Variants in ANKRD11 observed in about 807,000 individuals in gnomAD.
ANKRD11 encodes ankyrin repeat domain-containing protein 11.
ANKRD11 carries 17 observed loss-of-function variants against 195.7 expected under a neutral mutation model. That is an observed-to-expected ratio of 0.09 (90% CI 0.06 to 0.13). ANKRD11 has a LOEUF of 0.13. Among genes scored for constraint, ANKRD11 ranks in the 10% least tolerant of loss-of-function variants. The pLI is 1.00. For synonymous variants in ANKRD11, 1,953 were observed against 1,528.1 expected (o/e 1.28, Z -6.49); for missense variants, 3,735 against 3,566.1 (o/e 1.05, Z -1.21).
chr16:89,305,593 G>A (rs1001031760), intron 3 of ANKRD11, among the ~76,000 whole-genome samples: 13 of 152,068 alleles, frequency 8.5e-5, no homozygotes, highest in South Asian at 2.1e-4. Context: ...GGGACGCTCA[G>A]GAAATCGCTG....
chr16:89,370,965 G>A (rs2040166968), intron 2 of ANKRD11, among the ~76,000 whole-genome samples: 2 of 152,130 alleles, frequency 1.3e-5, no homozygotes, highest in African/African-American at 4.8e-5. Flanking sequence ...GACACCACGA[G>A]ACAACCCTAG....
At chr16:89,372,528 C>A (rs2040240042) in intron 2 of ANKRD11, among the ~76,000 whole-genome samples, 1 of 152,078 alleles carries the variant, frequency 6.6e-6, no homozygotes, top group African/African-American at 2.4e-5. Context: ...AGAGACGCCA[C>A]TGAAACATGA....
chr16:89,273,130 T>C (rs1490851925), intron 11 of ANKRD11: 2 of 151,768 alleles, frequency 1.3e-5, no homozygotes, highest in Non-Finnish European at 1.5e-5. Context: ...AGTAACTGCA[T>C]TGTGTATTTT....
chr16:89,318,553 T>C (rs2037106338), intron 2 of ANKRD11, among the ~76,000 whole-genome samples: 2 of 119,420 alleles, frequency 1.7e-5, no homozygotes, highest in Admixed American at 9.4e-5. Context: ...TGAAACACGA[T>C]GTGCAGACCC....
At chr16:89,300,827 C>G in intron 4 of ANKRD11, 1 of 701,380 alleles carries the variant, frequency 1.4e-6, no homozygotes, top group Non-Finnish European at 2.6e-6. Context: ...CAGGTCAAAG[C>G]AAAATAAGAA....
intron 2 of ANKRD11, among the ~76,000 whole-genome samples, chr16:89,393,608 G>C (rs1479071741): frequency 1.3e-5 from 2 of 151,666 alleles, no homozygotes; most frequent in Admixed American, 1.3e-4. Context: ...TCCCAAAGTG[G>C]TGGGATTACA....
At chr16:89,298,813 T>A (rs927764331) in intron 4 of ANKRD11, 1 of 152,180 alleles carries the variant, frequency 6.6e-6, no homozygotes, top group African/African-American at 2.4e-5. Context: ...ACTGCTTACG[T>A]CTAGAGAGGA....
chr16:89,300,230 G>A (rs184183453), intron 4 of ANKRD11: 392 of 229,080 alleles, frequency 1.7e-3, no homozygotes, highest in African/African-American at 9.1e-3. Flanking sequence ...TGCCCTGTGT[G>A]GGGTGCCTGA....
At chr16:89,478,357 A>T (rs2057327843) in intron 1 of ANKRD11, among the ~76,000 whole-genome samples, 1 of 152,002 alleles carries the variant, frequency 6.6e-6, no homozygotes, top group African/African-American at 2.4e-5. Context: ...ACGTCCTTCA[A>T]ATCTATGGAA....
intron 2 of ANKRD11, among the ~76,000 whole-genome samples, chr16:89,372,307 G>C (rs939252676): frequency 4.6e-5 from 7 of 152,226 alleles, no homozygotes; most frequent in Non-Finnish European, 7.3e-5. Flanking sequence ...CGGAGGCGGC[G>C]GCAGCGCCCA....
At chr16:89,316,791 C>T in intron 3 of ANKRD11, 142 bp downstream of exon 3, 2 of 1,001,204 alleles carry the variant, frequency 2.0e-6, no homozygotes, top group Non-Finnish European at 3.0e-6. Flanking sequence ...TCCTCACCAC[C>T]CTCTCCACTC....
chr16:89,431,693 T>C (rs1239695120), intron 1 of ANKRD11, among the ~76,000 whole-genome samples: 1 of 152,198 alleles, frequency 6.6e-6, no homozygotes. Context: ...CACTCTCACC[T>C]GCCTCTGGCT....
At chr16:89,329,391 G>GA (rs903109067) in intron 2 of ANKRD11, among the ~76,000 whole-genome samples, 2 of 151,664 alleles carry the variant, frequency 1.3e-5, no homozygotes, top group African/African-American at 4.8e-5. Flanking sequence ...TGATTTCACA[G>GA]AAAAAAGGAA....
At chr16:89,339,419 T>C (rs2353030) in intron 2 of ANKRD11, among the ~76,000 whole-genome samples, 86,027 of 152,022 alleles carry the variant, frequency 0.57, 24,578 homozygotes, top group African/African-American at 0.64. Flanking sequence ...GTCGGTAGCA[T>C]CACACAGGTC....
In ANKRD11 at chr16:89,282,714, C is replaced by T. The variant is rs147336185; in HGVS notation, c.3828G>A (p.Ala1276=). Residue 1276 remains alanine, a synonymous_variant, in exon 9 of 13, where the codon GCG becomes GCA. Transcript: ENST00000301030. ...KERKSSRSAD[A]EKSLLEKLEE... ...CCAACTTTTCAAGCAGGCTTTTTTC[C>T]GCGTCGGCACTTCTCGAGGACTTCC... The T allele has an allele frequency of 8.7e-6, 14 of 1,613,940 alleles. No homozygotes were observed. Among genetic ancestry groups the T allele is most frequent in the Middle Eastern group, 1.6e-4 (1 of 6,080 alleles).
intron 2 of ANKRD11, among the ~76,000 whole-genome samples, chr16:89,359,809 A>G (rs2039652953): frequency 6.6e-6 from 1 of 152,236 alleles, no homozygotes; most frequent in Non-Finnish European, 1.5e-5. Flanking sequence ...AAGATAAGAT[A>G]GTTTTTATTC....
intron 2 of ANKRD11, among the ~76,000 whole-genome samples, chr16:89,344,661 C>T (rs1222606644): frequency 6.6e-6 from 1 of 152,204 alleles, no homozygotes; most frequent in Non-Finnish European, 1.5e-5. Flanking sequence ...GAAATGAGGG[C>T]ACCCTCATGC....
At chr16:89,408,989 C>T (rs1388208189) in intron 2 of ANKRD11, among the ~76,000 whole-genome samples, 2 of 152,262 alleles carry the variant, frequency 1.3e-5, no homozygotes, top group African/African-American at 4.8e-5. Flanking sequence ...GAAAAGGCGG[C>T]CCCAACCCTG....
In ANKRD11 at chr16:89,435,834, AC is replaced by A. The variant is rs200046552; in HGVS notation, c.-144-17467del. ...CACACACACACACACACACACACAC[AC>A]GCTTTCGGTCTGTTCGCTCAAGGAA... is the stretch of plus-strand genomic sequence containing the variant. On this transcript the variant is annotated intron_variant, in intron 1 of 12. Transcript: ENST00000301030. 5.6e-3 allele frequency among the ~76,000 whole-genome samples: 824 copies of A among 148,040 alleles called. 6 individuals are homozygous for A. The highest frequency in any genetic ancestry group is 0.02 in the African/African-American group (790 of 38,600).
Sources: allele counts gnomAD v4.1 joint callset (sites outside exome capture counted in the v4.1 genomes callset), GRCh38; gene constraint gnomAD v4.1.1; transcripts MANE v1.5; gene names NCBI Gene and HGNC (gene_info 2026-07-23, HGNC 2026-07-21).